NAALADL2: variants seen among roughly 807,000 people sequenced by gnomAD.
NAALADL2 encodes inactive N-acetylated-alpha-linked acidic dipeptidase-like protein 2.
NAALADL2 carries 76 observed loss-of-function variants against 87.2 expected under a neutral mutation model. The ratio of observed to expected loss-of-function variants is 0.87; its 90% CI spans 0.72 to 1.05. The LOEUF is 1.05. Ranked by LOEUF, NAALADL2 falls within the 50% of genes least tolerant of loss-of-function variation. NAALADL2 has a pLI of 0.00. For missense variants in NAALADL2, 1,089 were observed against 945.8 expected, an observed-to-expected ratio of 1.15 and a Z score of -1.99; for synonymous variants, 354 against 331.0, an observed-to-expected ratio of 1.07 and a Z score of -0.75.
At chr3:175,412,626 A>G (rs758397913) in intron 5 of NAALADL2, among the ~76,000 whole-genome samples, 1 of 152,108 alleles carries the variant, frequency 6.6e-6, no homozygotes, top group Non-Finnish European at 1.5e-5. Context: ...AAATACCCAG[A>G]TGGTGTTTTG....
At chr3:174,935,712 A>G (rs1737587541) in intron 1 of NAALADL2, among the ~76,000 whole-genome samples, 1 of 152,132 alleles carries the variant, frequency 6.6e-6, no homozygotes, top group South Asian at 2.1e-4. Context: ...TGCCTTGTAT[A>G]ATAAATTTCT....
intron 1 of NAALADL2, among the ~76,000 whole-genome samples, chr3:174,996,993 GGT>G (rs34590643): frequency 0.36 from 43,218 of 121,120 alleles, 6,990 homozygotes; most frequent in Admixed American, 0.46. Context: ...TATTCCAAGG[GGT>G]GTGTGTGTGT....
At chr3:175,160,916 A>G (rs180925045) in intron 2 of NAALADL2, among the ~76,000 whole-genome samples, 136 of 152,156 alleles carry the variant, frequency 8.9e-4, no homozygotes, top group African/African-American at 3.1e-3. Context: ...TTAGCTCTGT[A>G]TCAGTATATT....
At chr3:174,810,934 C>A (rs377142222) in intron 3 of NAALADL2, among the ~76,000 whole-genome samples, 1 of 152,272 alleles carries the variant, frequency 6.6e-6, no homozygotes, top group African/African-American at 2.4e-5. Context: ...GGCCACTGCT[C>A]CCTGCATCCT....
intron 1 of NAALADL2, among the ~76,000 whole-genome samples, chr3:174,927,335 A>G (rs377150740): frequency 3.3e-5 from 5 of 152,306 alleles, no homozygotes; most frequent in Admixed American, 2.0e-4. Flanking sequence ...CAGAAATTGA[A>G]CTCAGCTCTG....
At chr3:175,088,958 GAATGTGAACTGT>G (rs1350600313) in intron 1 of NAALADL2, among the ~76,000 whole-genome samples, 2 of 152,140 alleles carry the variant, frequency 1.3e-5, no homozygotes, top group Non-Finnish European at 1.5e-5. Context: ...GCAGCAGGTT[GAATGTGAACTGT>G]AACTGTCACG....
At chr3:175,275,426 ACATGGCCTTTT>A (rs1479956466) in intron 4 of NAALADL2, among the ~76,000 whole-genome samples, 2 of 151,844 alleles carry the variant, frequency 1.3e-5, no homozygotes, top group African/African-American at 2.4e-5. Flanking sequence ...CTAAAATCTC[ACATGGCCTTTT>A]CATTTATACA....
chr3:175,334,616 G>T (rs1041944697), intron 5 of NAALADL2, among the ~76,000 whole-genome samples: 1 of 151,186 alleles, frequency 6.6e-6, no homozygotes, highest in African/African-American at 2.4e-5. Flanking sequence ...CTATAAATAT[G>T]CATTTGTACT....
At chr3:175,301,118 A>AGTTAT (rs1757033878) in intron 4 of NAALADL2, among the ~76,000 whole-genome samples, 1 of 151,962 alleles carries the variant, frequency 6.6e-6, no homozygotes, top group African/African-American at 2.4e-5. Context: ...CTCTGATCTT[A>AGTTAT]GTTATGTCTT....
intron 3 of NAALADL2, among the ~76,000 whole-genome samples, chr3:174,832,094 G>C (rs562022886): frequency 0.02 from 2,972 of 151,910 alleles, 103 homozygotes; most frequent in African/African-American, 0.069. Context: ...AGGGTTTTTT[G>C]TGTCTCTATT....
intron 13 of NAALADL2, among the ~76,000 whole-genome samples, chr3:175,787,219 T>A (rs1222972878): frequency 6.6e-6 from 1 of 152,148 alleles, no homozygotes; most frequent in Non-Finnish European, 1.5e-5. Context: ...GCAGGCCTCC[T>A]TGAGCTGTGG....
At chr3:174,980,732 A>G (rs1025454716) in intron 1 of NAALADL2, among the ~76,000 whole-genome samples, 1 of 152,196 alleles carries the variant, frequency 6.6e-6, no homozygotes, top group African/African-American at 2.4e-5. Context: ...CATAGGGCTA[A>G]CAAATATATT....
In NAALADL2 at chr3:175,035,467, G is replaced by A. The variant is rs571054345; in HGVS notation, c.44-61323G>A. ...GAGGGTCTGTGACAAGGGACAGGGT[G>A]TCTGGCTTTATGCTATGGGCCTTTT... On this transcript the variant is annotated intron_variant, in intron 1 of 13. Transcript: ENST00000454872. Among the ~76,000 whole-genome samples the A allele has an allele frequency of 5.8e-4, 89 of 152,218 alleles. 1 individual carries two copies. The highest frequency in any genetic ancestry group is 1.9e-3 in the African/African-American group (78 of 41,548).
At chr3:175,150,239 T>A (rs7426473) in intron 2 of NAALADL2, among the ~76,000 whole-genome samples, 45,796 of 152,040 alleles carry the variant, frequency 0.3, 7,124 homozygotes, top group South Asian at 0.36. Flanking sequence ...GCCATTGAGG[T>A]AGGTGCCAAA....
chr3:175,535,827 A>G (rs1034414816), intron 9 of NAALADL2, among the ~76,000 whole-genome samples: 2 of 152,218 alleles, frequency 1.3e-5, no homozygotes, highest in Non-Finnish European at 2.9e-5. Flanking sequence ...CTGAGGTAGC[A>G]TGATATAATA....
chr3:175,011,294 G>C (rs1053906153), intron 1 of NAALADL2, among the ~76,000 whole-genome samples: 4 of 151,006 alleles, frequency 2.6e-5, no homozygotes, highest in African/African-American at 9.8e-5. Flanking sequence ...GAGAGAGAGA[G>C]AGAGAGAGAG....
chr3:174,887,371 A>G (rs1281980002), intron 1 of NAALADL2, among the ~76,000 whole-genome samples: 1 of 150,694 alleles, frequency 6.6e-6, no homozygotes, highest in Non-Finnish European at 1.5e-5. Flanking sequence ...TAATCTCTTT[A>G]TTAATGGTAT....
chr3:174,592,951 G>A (rs1256997858), intron 2 of NAALADL2, among the ~76,000 whole-genome samples: 1 of 151,998 alleles, frequency 6.6e-6, no homozygotes, highest in African/African-American at 2.4e-5. Context: ...GAGGAAGAAA[G>A]GAAGAGGTAG....
chr3:174,934,958 T>C (rs930608675), intron 1 of NAALADL2, among the ~76,000 whole-genome samples: 1 of 151,886 alleles, frequency 6.6e-6, no homozygotes, highest in Non-Finnish European at 1.5e-5. Flanking sequence ...CTATGCATTT[T>C]GTAAAAATAC....
Sources: gnomAD v4.1 joint callset for allele counts (sites outside exome capture counted in the v4.1 genomes callset) on GRCh38, gnomAD v4.1.1 for gene constraint, MANE v1.5 for transcripts, NCBI Gene and HGNC (gene_info 2026-07-23, HGNC 2026-07-21) for gene names.